The following RTEL1 variants were observed in gnomAD, a reference collection of about 807,000 sequenced individuals.
RTEL1 encodes regulator of telomere length.
In RTEL1, 86 loss-of-function variants were observed where a neutral mutation model predicts 162.2. The observed-to-expected ratio is 0.53, with a 90% confidence interval of 0.45 to 0.63. The LOEUF is 0.63. RTEL1 is among the 30% of genes least tolerant of loss of function. The probability of loss-of-function intolerance (pLI) is 0.00; values close to 1 mark genes in which losing one functional copy is unlikely to be tolerated. For missense variants in RTEL1, 1,941 were observed against 1,750.2 expected (o/e 1.11, Z -1.95); for synonymous variants, 958 against 717.9 (o/e 1.33, Z -5.35).
At chr20:63,663,335 C>T (rs2090058274) in intron 6 of RTEL1, among the ~76,000 whole-genome samples, 1 of 152,226 alleles carries the variant, frequency 6.6e-6, no homozygotes. Context: ...CGACCCTGCC[C>T]CGTGTGTCTT....
chr20:63,678,716 A>G (rs563095228), intron 12 of RTEL1, among the ~76,000 whole-genome samples: 26 of 99,876 alleles, frequency 2.6e-4, no homozygotes, highest in South Asian at 7.2e-4. Flanking sequence ...CCCACGGAAC[A>G]GCACACACAC....
In RTEL1 at chr20:63,690,423, C is replaced by G. The variant is rs1601171872; in HGVS notation, c.2395C>G (p.Leu799Val). The G allele has an allele frequency of 6.3e-7, 1 of 1,577,348 alleles. No individual in the cohort carries two copies. The highest frequency in any genetic ancestry group is 8.6e-7 in the Non-Finnish European group (1 of 1,156,818). The part of the protein sequence containing the change: ...AKSLDLHVPS[L>V]KQRSSGSPAA... ...GAGTCTGGACCTGCATGTCCCCAGC[C>G]TGAAGCAGAGGTCCTCAGGTGCGGA... The change falls in exon 26 of 35, where the codon CTG (leucine) becomes GTG (valine). Residue 799 changes from leucine (L) to valine (V), a missense_variant. Coordinates refer to ENST00000360203, the MANE Select transcript of RTEL1 (RefSeq NM_001283009.2).
At chr20:63,693,945 C>T (rs933807510) in intron 30 of RTEL1, among the ~76,000 whole-genome samples, 4 of 151,390 alleles carry the variant, frequency 2.6e-5, no homozygotes, top group African/African-American at 4.9e-5. Context: ...GACCCCTGTC[C>T]TCCCTGTTTC....
At chr20:63,691,923 C>G in intron 28 of RTEL1, 86 bp downstream of exon 28, 2 of 1,047,776 alleles carry the variant, frequency 1.9e-6, no homozygotes, top group Non-Finnish European at 2.9e-6. Context: ...ACGGCTGGTC[C>G]CGATGGGACC....
rs73920935 is a variant in RTEL1 at position 63,666,047 on chromosome 20, T to C, written c.582T>C (p.Ile194=). ...EQELASPILD[I]EDLVKSGSKH... is the part of the protein sequence containing the mutation. ...AGCTGGCCAGCCCCATCCTGGACATTGAGGACTTGGTCAAGAGCGGAAGCA... is the reference window on the plus strand; with the variant it reads ...AGCTGGCCAGCCCCATCCTGGACATCGAGGACTTGGTCAAGAGCGGAAGCA... The change falls in exon 7 of 35, where the codon ATT becomes ATC. Residue 194 remains isoleucine (I), a synonymous_variant. Coordinates refer to ENST00000360203, the MANE Select transcript of RTEL1 (RefSeq NM_001283009.2). The C allele has an allele frequency of 0.078, 126,064 of 1,613,910 alleles. 5,259 individuals are homozygous for C. Among genetic ancestry groups the C allele is most frequent in the African/African-American group, 0.11 (8,263 of 75,004 alleles).
intron 14 of RTEL1, chr20:63,682,008 C>T: frequency 3.0e-6 from 3 of 985,434 alleles, no homozygotes; most frequent in Non-Finnish European, 3.6e-6. Context: ...CCTGATGGGT[C>T]ACTGCAAAGC....
intron 4 of RTEL1, 71 bp from the exon 5 acceptor site, chr20:63,662,473 GCT>G: frequency 6.3e-7 from 1 of 1,595,398 alleles, no homozygotes; most frequent in Non-Finnish European, 8.5e-7. Flanking sequence ...TCTCCATACA[GCT>G]CACGCTGCAG....
intron 9 of RTEL1, 62 bp downstream of exon 9, chr20:63,672,683 C>T (rs1379286804): frequency 1.1e-5 from 16 of 1,400,252 alleles, no homozygotes; most frequent in South Asian, 9.9e-5. Flanking sequence ...TCAAGAGCCA[C>T]GCAAACCTTT....
intron 29 of RTEL1, 69 bp from the exon 30 acceptor site, chr20:63,693,074 G>A (rs1030245474): frequency 3.5e-5 from 57 of 1,609,830 alleles, no homozygotes; most frequent in Non-Finnish European, 4.7e-5. Flanking sequence ...GGGGCCATCT[G>A]GGTCCAAGGT....
rs780364760 is a variant in RTEL1, at chr20:63,694,851, G to A, written c.3220G>A (p.Ala1074Thr). 2.7e-5 allele frequency: 43 copies of A among 1,612,524 alleles called. No homozygotes were observed. Among genetic ancestry groups the A allele is most frequent in the Middle Eastern group, 1.6e-4 (1 of 6,082 alleles). Residue 1074 changes from alanine (A) to threonine (T), a missense_variant, in exon 32 of 35, where the codon GCG becomes ACG. Physicochemically the swap from Ala to Thr is moderately conservative, Grantham distance 58. Coordinates refer to ENST00000360203, the MANE Select transcript of RTEL1 (RefSeq NM_001283009.2). ...LADARRALGS[A>T]GCSQLLAALT... ...TGATGCCCGCAGGGCCCTGGGGTCC[G>A]CGGGCTGTAGCCAACTCTTGGCAGC...
intron 14 of RTEL1, among the ~76,000 whole-genome samples, chr20:63,683,760 G>T (rs964754911): frequency 3.3e-5 from 5 of 152,138 alleles, no homozygotes; most frequent in African/African-American, 9.7e-5. Flanking sequence ...GCCGTTTTTG[G>T]CTCGTTTTCC....
At position 63,688,061 on chromosome 20, in the gene RTEL1, G is replaced by T. The variant is rs748265226; in HGVS notation, c.1595+11G>T. 1 of 1,611,834 alleles carries T rather than the reference G, an allele frequency of 6.2e-7. No individual in the cohort carries two copies. The highest frequency in any genetic ancestry group is 8.5e-7 in the Non-Finnish European group (1 of 1,179,266). The stretch of plus-strand genomic sequence containing the variant: ...CGCGTTTGACAGACGGTGAGGGCCT[G>T]TCCCTGGGCCCTGCTGGGGTGGGAG... On this transcript the variant is annotated intron_variant, in intron 18 of 34. Transcript: ENST00000360203.
At chr20:63,678,437 T>A in intron 12 of RTEL1, 91 bp downstream of exon 12, 1 of 1,215,756 alleles carries the variant, frequency 8.2e-7, no homozygotes, top group Non-Finnish European at 1.1e-6. Flanking sequence ...ACATCACGAG[T>A]GAGGCCTGTT....
At chr20:63,660,488 G>A (rs1482034631) in intron 2 of RTEL1, among the ~76,000 whole-genome samples, 1 of 152,230 alleles carries the variant, frequency 6.6e-6, no homozygotes, top group Non-Finnish European at 1.5e-5. Flanking sequence ...GTTCTGCACA[G>A]CTCTAGATCC....
intron 10 of RTEL1, among the ~76,000 whole-genome samples, 177 bp from the exon 11 acceptor site, chr20:63,677,968 G>A (rs1413498900): frequency 2.0e-5 from 3 of 149,928 alleles, no homozygotes; most frequent in African/African-American, 5.0e-5. Flanking sequence ...GGCCTGCACG[G>A]ATTCTGTGTG....
intron 14 of RTEL1, chr20:63,682,512 C>G (rs1371583630): frequency 1.0e-6 from 1 of 985,668 alleles, no homozygotes; most frequent in Non-Finnish European, 1.2e-6. Context: ...GAACCGAATC[C>G]TGCACACTCC....
chr20:63,662,781 C>T (rs754357567), intron 5 of RTEL1, 48 bp from the exon 6 acceptor site: 1 of 1,609,796 alleles, frequency 6.2e-7, no homozygotes, highest in African/African-American at 1.3e-5. Flanking sequence ...TGGCTTCGGT[C>T]CTTTCTTGGC....
intron 28 of RTEL1, chr20:63,692,052 C>G (rs899341630): frequency 9.4e-6 from 5 of 530,946 alleles, no homozygotes; most frequent in African/African-American, 7.7e-5. Context: ...CAGGCCCCAC[C>G]CTTGGGCAGG....
chr20:63,685,189 T>C (rs2090564655), intron 14 of RTEL1, among the ~76,000 whole-genome samples: 1 of 151,932 alleles, frequency 6.6e-6, no homozygotes, highest in African/African-American at 2.4e-5. Flanking sequence ...CACTAGGCCA[T>C]GTTGAATTTC....
Sources: allele counts gnomAD v4.1 joint callset (sites outside exome capture counted in the v4.1 genomes callset), GRCh38; gene constraint gnomAD v4.1.1; transcripts MANE v1.5; gene names NCBI Gene and HGNC (gene_info 2026-07-23, HGNC 2026-07-21).